The following CNTN4 variants were observed in gnomAD, a reference collection of about 807,000 sequenced individuals.
The protein encoded by CNTN4 is contactin 4, also known as contactin-4.
A neutral mutation model predicts 122.5 loss-of-function variants in CNTN4; 77 were observed. The observed-to-expected ratio is 0.63, with a 90% CI of 0.52 to 0.76. The LOEUF (loss-of-function observed/expected upper bound fraction) is 0.76, where lower values mean the gene tolerates loss of function less well. Among genes scored for constraint, CNTN4 ranks in the 30% least tolerant of loss-of-function variants. CNTN4 has a pLI of 0.00. For missense variants in CNTN4, 1,256 were observed against 1,259.1 expected, an observed-to-expected ratio of 1.00 and a Z score of 0.04; for synonymous variants, 512 against 447.0, an observed-to-expected ratio of 1.15 and a Z score of -1.83.
intron 2 of CNTN4, among the ~76,000 whole-genome samples, chr3:2,154,026 T>C (rs1469344181): frequency 6.6e-6 from 1 of 152,216 alleles, no homozygotes; most frequent in East Asian, 1.9e-4. Context: ...GCAATATATA[T>C]TGGTTACTTT....
chr3:2,871,130 C>G (rs1371490270), intron 8 of CNTN4, among the ~76,000 whole-genome samples: 4 of 152,176 alleles, frequency 2.6e-5, no homozygotes, highest in Non-Finnish European at 5.9e-5. Flanking sequence ...AGGCAGAGTT[C>G]AGCCCCACCA....
chr3:2,476,972 AC>A lies in CNTN4; in HGVS notation c.-88-94443del, dbSNP rs2075852598. ...CAGGATTTTAGCTACTTTTTGGATG[AC>A]AACATGCTTTCACATTTGAGAATGA... On this transcript the variant is annotated intron_variant, in intron 3 of 24. Coordinates refer to ENST00000418658, the MANE Select transcript of CNTN4 (RefSeq NM_175607.3). Among the ~76,000 whole-genome samples, 3 of 152,350 alleles carry A rather than the reference AC, an allele frequency of 2.0e-5. No individual in the cohort carries two copies. The South Asian group carries it at 6.2e-4, about 32-fold the overall frequency.
chr3:2,588,045 T>G (rs1385354215), intron 4 of CNTN4, among the ~76,000 whole-genome samples: 1 of 152,132 alleles, frequency 6.6e-6, no homozygotes, highest in Non-Finnish European at 1.5e-5. Flanking sequence ...CCCTGTATTA[T>G]TATTCTCTTT....
intron 3 of CNTN4, among the ~76,000 whole-genome samples, chr3:2,434,942 T>G (rs2048207664): frequency 6.6e-6 from 1 of 152,144 alleles, no homozygotes; most frequent in Non-Finnish European, 1.5e-5. Flanking sequence ...TAAGTGAAGC[T>G]CTCTTAAACT....
At chr3:2,253,850 T>A (rs1205897723) in intron 2 of CNTN4, among the ~76,000 whole-genome samples, 2 of 146,872 alleles carry the variant, frequency 1.4e-5, no homozygotes, top group East Asian at 4.1e-4. Context: ...TTCTGCATAG[T>A]TGATATGTGT....
At chr3:2,218,743 A>G (rs1203603778) in intron 2 of CNTN4, among the ~76,000 whole-genome samples, 2 of 152,206 alleles carry the variant, frequency 1.3e-5, no homozygotes, top group African/African-American at 4.8e-5. Context: ...GCAAAGAAGG[A>G]TTGATTCCAG....
chr3:2,271,421 C>T (rs1236103460), intron 2 of CNTN4, among the ~76,000 whole-genome samples: 2 of 152,030 alleles, frequency 1.3e-5, no homozygotes, highest in Admixed American at 6.6e-5. Flanking sequence ...TTTCTGTCTC[C>T]GTAGTAACCT....
chr3:2,534,371 C>T (rs575662932), intron 3 of CNTN4, among the ~76,000 whole-genome samples: 17 of 152,194 alleles, frequency 1.1e-4, no homozygotes, highest in African/African-American at 3.6e-4. Flanking sequence ...GAATCCTTTC[C>T]CCATTTCTTG....
At chr3:2,120,591 G>C (rs1278501431) in intron 2 of CNTN4, among the ~76,000 whole-genome samples, 1 of 150,760 alleles carries the variant, frequency 6.6e-6, no homozygotes, top group Non-Finnish European at 1.5e-5. Context: ...TTAGTAGAGA[G>C]GAGGGTTCTC....
chr3:2,710,860 T>A lies in CNTN4; in HGVS notation c.56-25355T>A, dbSNP rs542160818. On this transcript the variant is annotated intron_variant, in intron 4 of 24. Coordinates refer to ENST00000418658, the MANE Select transcript of CNTN4 (RefSeq NM_175607.3). ...GGCTTTCCATACACTCCACAGGAAG[T>A]TGTTCCCTCTCAAAGAAGGCCAGTG... Among the ~76,000 whole-genome samples the A allele has an allele frequency of 9.7e-4, 148 of 152,300 alleles. 1 individual carries two copies. The highest frequency in any genetic ancestry group is 1.8e-3 in the Non-Finnish European group (122 of 68,024).
chr3:2,526,578 A>G (rs1381587961), intron 3 of CNTN4, among the ~76,000 whole-genome samples: 2 of 152,128 alleles, frequency 1.3e-5, no homozygotes, highest in African/African-American at 2.4e-5. Flanking sequence ...CTAAGAAAAA[A>G]CTTGATTTAC....
chr3:2,441,956 C>G (rs1020639108), intron 3 of CNTN4, among the ~76,000 whole-genome samples: 2 of 152,138 alleles, frequency 1.3e-5, no homozygotes, highest in African/African-American at 4.8e-5. Flanking sequence ...GAAATTGGCT[C>G]TTAGCAACAT....
intron 2 of CNTN4, among the ~76,000 whole-genome samples, chr3:2,332,064 C>T (rs1367371537): frequency 6.6e-6 from 1 of 152,136 alleles, no homozygotes; most frequent in Non-Finnish European, 1.5e-5. Flanking sequence ...CTGGTGCCAT[C>T]CCCTTTAGAG....
chr3:2,615,010 A>G (rs1329916500), intron 4 of CNTN4, among the ~76,000 whole-genome samples: 1 of 152,058 alleles, frequency 6.6e-6, no homozygotes, highest in Non-Finnish European at 1.5e-5. Context: ...AAATTAATTG[A>G]TAGTTCATGA....
intron 3 of CNTN4, among the ~76,000 whole-genome samples, chr3:2,419,822 C>A (rs1318558671): frequency 6.6e-6 from 1 of 152,132 alleles, no homozygotes; most frequent in Non-Finnish European, 1.5e-5. Context: ...TTCCAGGACC[C>A]ATTTTTCTTT....
chr3:2,283,695 C>A lies in CNTN4; in HGVS notation c.-144-55483C>A, dbSNP rs182102724. 2.0e-5 allele frequency among the ~76,000 whole-genome samples: 3 copies of A among 152,240 alleles called. No individual in the cohort carries two copies. The East Asian group carries it at 5.8e-4, about 29-fold the overall frequency. On this transcript the variant is annotated intron_variant, in intron 2 of 24. Transcript: ENST00000418658. The stretch of plus-strand genomic sequence containing the variant: ...GTAAGAACTTTCATCTAACCTTTAA[C>A]TTCTTTCTTCTATCCAGAAAGGGTT...
intron 6 of CNTN4, among the ~76,000 whole-genome samples, chr3:2,752,786 A>T (rs1388685453): frequency 6.6e-6 from 1 of 152,086 alleles, no homozygotes; most frequent in African/African-American, 2.4e-5. Flanking sequence ...ACCTCTAGTT[A>T]CCACTCTTCT....
At chr3:2,793,980 C>G (rs1013731003) in intron 6 of CNTN4, among the ~76,000 whole-genome samples, 1 of 151,894 alleles carries the variant, frequency 6.6e-6, no homozygotes, top group African/African-American at 2.4e-5. Context: ...GTTGGAAATA[C>G]CAAATGAAAA....
At chr3:2,785,193 A>G (rs1248565344) in intron 6 of CNTN4, among the ~76,000 whole-genome samples, 1 of 152,012 alleles carries the variant, frequency 6.6e-6, no homozygotes, top group Non-Finnish European at 1.5e-5. Context: ...ATTGGCTTAC[A>G]TGATTATGGA....
Sources: allele counts gnomAD v4.1 joint callset (sites outside exome capture counted in the v4.1 genomes callset), GRCh38; gene constraint gnomAD v4.1.1; transcripts MANE v1.5; gene names NCBI Gene and HGNC (gene_info 2026-07-23, HGNC 2026-07-21).